Variants in FGF12 observed in about 807,000 individuals in gnomAD.
FGF12 encodes fibroblast growth factor 12.
A neutral mutation model predicts 23.6 loss-of-function variants in FGF12; 14 were observed. The ratio of observed to expected loss-of-function variants is 0.59; its 90% confidence interval spans 0.39 to 0.93. The LOEUF (loss-of-function observed/expected upper bound fraction) is 0.93. FGF12 is among the 40% of genes least tolerant of loss of function. FGF12 has a pLI of 0.00. For missense variants in FGF12, 175 were observed against 217.8 expected, an observed-to-expected ratio of 0.80 and a Z score of 1.24; for synonymous variants, 62 against 77.3, an observed-to-expected ratio of 0.80 and a Z score of 1.04.
chr3:192,530,584 CTTTG>C (rs754505630), intron 2 of FGF12, among the ~76,000 whole-genome samples: 143 of 152,112 alleles, frequency 9.4e-4, no homozygotes, highest in Non-Finnish European at 1.3e-3. Context: ...TAAGAATTGT[CTTTG>C]TTTGAAGGAG....
chr3:192,335,815 G>A (rs569906988), intron 3 of FGF12, among the ~76,000 whole-genome samples: 16 of 152,078 alleles, frequency 1.1e-4, no homozygotes, highest in East Asian at 3.9e-4. Context: ...AATATGGACC[G>A]AAAAATTCTC....
At chr3:192,625,884 T>G (rs1204097936) in intron 2 of FGF12, among the ~76,000 whole-genome samples, 2 of 152,280 alleles carry the variant, frequency 1.3e-5, no homozygotes, top group East Asian at 3.9e-4. Flanking sequence ...GAACTGCAAT[T>G]TTTCCCAAGA....
At chr3:192,392,611 AGAGAG>A in intron 2 of FGF12, among the ~76,000 whole-genome samples, 1 of 113,610 alleles carries the variant, frequency 8.8e-6, no homozygotes, top group Non-Finnish European at 1.8e-5. Context: ...AGAGAGAGAG[AGAGAG>A]AGAGAGAGAG....
intron 4 of FGF12, among the ~76,000 whole-genome samples, chr3:192,260,370 C>G (rs980600227): frequency 6.6e-6 from 1 of 152,100 alleles, no homozygotes; most frequent in Non-Finnish European, 1.5e-5. Context: ...TTTTACTGTG[C>G]CAACTAATAG....
chr3:192,253,963 T>C (rs749519230), intron 4 of FGF12, among the ~76,000 whole-genome samples: 3 of 152,060 alleles, frequency 2.0e-5, no homozygotes, highest in Non-Finnish European at 4.4e-5. Context: ...TTTTGAAATA[T>C]ATATACATTG....
At chr3:192,374,061 C>A (rs1719364266) in intron 2 of FGF12, among the ~76,000 whole-genome samples, 1 of 152,234 alleles carries the variant, frequency 6.6e-6, no homozygotes, top group South Asian at 2.1e-4. Context: ...CATGATTTGT[C>A]AACAAATAAT....
chr3:192,274,180 G>C (rs1713632055), intron 4 of FGF12, among the ~76,000 whole-genome samples: 2 of 152,254 alleles, frequency 1.3e-5, no homozygotes, highest in South Asian at 4.1e-4. Context: ...GAGATATACT[G>C]AAATTCCAGA....
intron 4 of FGF12, among the ~76,000 whole-genome samples, chr3:192,194,903 C>A (rs925859755): frequency 3.3e-5 from 5 of 152,122 alleles, no homozygotes; most frequent in African/African-American, 1.2e-4. Flanking sequence ...ATTTATATAG[C>A]AAGGATTTAC....
intron 4 of FGF12, among the ~76,000 whole-genome samples, chr3:192,236,290 T>C (rs1466721090): frequency 6.6e-6 from 1 of 152,208 alleles, no homozygotes; most frequent in Non-Finnish European, 1.5e-5. Flanking sequence ...ATGTGGCCAG[T>C]CTAAGTGTAA....
At chr3:192,235,378 G>A (rs960726156) in intron 4 of FGF12, among the ~76,000 whole-genome samples, 4 of 152,136 alleles carry the variant, frequency 2.6e-5, no homozygotes, top group African/African-American at 9.7e-5. Context: ...CGCAATCTTG[G>A]CTCACTGCAA....
intron 2 of FGF12, among the ~76,000 whole-genome samples, chr3:192,371,895 T>C (rs1210826268): frequency 2.6e-5 from 4 of 152,176 alleles, no homozygotes; most frequent in Non-Finnish European, 4.4e-5. Flanking sequence ...AACTCTAACA[T>C]GCTAATACAT....
intron 4 of FGF12, among the ~76,000 whole-genome samples, chr3:192,302,561 G>A (rs1211860380): frequency 6.6e-6 from 1 of 152,162 alleles, no homozygotes; most frequent in Non-Finnish European, 1.5e-5. Context: ...ACTAAGACCA[G>A]GCACGGGACT....
At chr3:192,654,138 A>G (rs1031608902) in intron 2 of FGF12, among the ~76,000 whole-genome samples, 1 of 152,222 alleles carries the variant, frequency 6.6e-6, no homozygotes, top group African/African-American at 2.4e-5. Context: ...ACAAATAAAT[A>G]ATAAAGTTAC....
At position 192,514,920 on chromosome 3, in the gene FGF12, G is replaced by A. The variant is rs982744907; in HGVS notation, c.14-154382C>T. On this transcript the variant is annotated intron_variant, in intron 2 of 5. Coordinates refer to ENST00000445105, the MANE Select transcript of FGF12 (RefSeq NM_004113.6). The surrounding 1 kb of genome is among the most constrained non-coding windows in gnomAD (Gnocchi z 4.9). ...CGGAGGGAGCCCGGGCGCCGGCAGG[G>A]GGCGGGCCGGGACGCGGAAGTGCCG... 2 of 971,532 alleles carry A rather than the reference G, an allele frequency of 2.1e-6. No individual in the cohort carries two copies. Among genetic ancestry groups the A allele is most frequent in the African/African-American group, 3.5e-5 (2 of 56,956 alleles). 60.2% of individuals were successfully genotyped at this position (971,532 alleles called of 1,614,324 possible).
chr3:192,713,442 A>T (rs1718759383), intron 2 of FGF12, among the ~76,000 whole-genome samples: 1 of 152,250 alleles, frequency 6.6e-6, no homozygotes. Context: ...CTGTGACAAA[A>T]ATAGCAAGTA....
At chr3:192,636,063 G>A (rs552490338) in intron 2 of FGF12, among the ~76,000 whole-genome samples, 20 of 152,302 alleles carry the variant, frequency 1.3e-4, no homozygotes, top group African/African-American at 4.1e-4. Flanking sequence ...CAGGGAGCTG[G>A]AGGATAAATG....
chr3:192,482,910 G>C (rs1437135079), intron 2 of FGF12, among the ~76,000 whole-genome samples: 2 of 152,148 alleles, frequency 1.3e-5, no homozygotes, highest in Non-Finnish European at 2.9e-5. Flanking sequence ...AAATGTGCAT[G>C]GTAAAACACT....
chr3:192,342,099 G>A (rs576768424), intron 3 of FGF12, among the ~76,000 whole-genome samples: 34 of 152,270 alleles, frequency 2.2e-4, no homozygotes, highest in African/African-American at 8.2e-4. Flanking sequence ...TACTTTAAGG[G>A]CAAGTTGAAG....
intron 4 of FGF12, among the ~76,000 whole-genome samples, chr3:192,286,957 C>A (rs1714479155): frequency 6.6e-6 from 1 of 151,852 alleles, no homozygotes; most frequent in African/African-American, 2.4e-5. Context: ...CTATGCAATT[C>A]TAAGATAATA....
Sources: gnomAD v4.1 joint callset for allele counts (sites outside exome capture counted in the v4.1 genomes callset) on GRCh38, gnomAD v4.1.1 for gene constraint, Gnocchi (gnomAD v3.1) non-coding constraint, MANE v1.5 for transcripts, NCBI Gene and HGNC (gene_info 2026-07-23, HGNC 2026-07-21) for gene names.